CSMD1: variants seen among roughly 807,000 people sequenced by gnomAD.
The protein encoded by CSMD1 is CUB and sushi domain-containing protein 1.
Under a neutral mutation model 417.5 loss-of-function variants are expected in CSMD1, and 213 were observed. The ratio of observed to expected loss-of-function variants is 0.51; its 90% CI spans 0.46 to 0.57. The LOEUF is 0.57. CSMD1 is among the 20% of genes least tolerant of loss of function. The pLI, the probability that CSMD1 is intolerant of heterozygous loss-of-function variation, is 0.00. For synonymous variants in CSMD1, 2,862 were observed against 1,736.8 expected (o/e 1.65, Z -16.11); for missense variants, 6,923 against 4,529.7 (o/e 1.53, Z -15.17).
chr8:4,774,103 A>C (rs1211940555), intron 1 of CSMD1, among the ~76,000 whole-genome samples: 2 of 152,190 alleles, frequency 1.3e-5, no homozygotes, highest in Non-Finnish European at 2.9e-5. Flanking sequence ...AGGCTGAGGC[A>C]GGAGAGGGTT....
At chr8:3,810,739 G>T (rs1462899103) in intron 5 of CSMD1, among the ~76,000 whole-genome samples, 1 of 152,142 alleles carries the variant, frequency 6.6e-6, no homozygotes, top group South Asian at 2.1e-4. Flanking sequence ...AAAAGCCTTG[G>T]TTCAATTCCT....
rs145772487 is a variant in CSMD1 at position 4,298,347 on chromosome 8, C to T, written c.415+121606G>A. 1.1e-3 allele frequency among the ~76,000 whole-genome samples: 164 copies of T among 152,220 alleles called. 2 individuals carry two copies. The East Asian group carries it at 0.027, about 25-fold the overall frequency. On this transcript the variant is annotated intron_variant, in intron 3 of 69. Transcript: ENST00000635120. ...CCTTTCATTCAAAAACGCTCCATGACATCAGTTTACTGTAATAGTTTTTAT... is the reference window on the plus strand; with the variant it reads ...CCTTTCATTCAAAAACGCTCCATGATATCAGTTTACTGTAATAGTTTTTAT...
chr8:2,975,691 T>A (rs2128935558), intron 55 of CSMD1, among the ~76,000 whole-genome samples: 1 of 152,322 alleles, frequency 6.6e-6, no homozygotes. Flanking sequence ...AATTTATATC[T>A]TATTTAAATT....
chr8:4,833,806 C>G (rs1800293666), intron 1 of CSMD1, among the ~76,000 whole-genome samples: 1 of 152,168 alleles, frequency 6.6e-6, no homozygotes, highest in Admixed American at 6.5e-5. Flanking sequence ...GATCAGCTGA[C>G]TAAAAGGGAG....
intron 1 of CSMD1, among the ~76,000 whole-genome samples, chr8:4,810,745 G>C (rs1332592385): frequency 6.6e-6 from 1 of 152,122 alleles, no homozygotes; most frequent in Non-Finnish European, 1.5e-5. Flanking sequence ...CAATATATTT[G>C]CTCTGAAATA....
intron 3 of CSMD1, among the ~76,000 whole-genome samples, chr8:4,410,405 A>C (rs572468070): frequency 4.6e-5 from 7 of 152,168 alleles, no homozygotes; most frequent in Non-Finnish European, 1.0e-4. Context: ...TAAATATTTA[A>C]ATTAATTTTC....
chr8:4,313,469 G>GA (rs1213811826), intron 3 of CSMD1, among the ~76,000 whole-genome samples: 1 of 140,442 alleles, frequency 7.1e-6, no homozygotes, highest in African/African-American at 2.7e-5. Flanking sequence ...AGCAATGCAG[G>GA]AACCCGAAGA....
chr8:3,358,490 C>G (rs1176557541), intron 21 of CSMD1, among the ~76,000 whole-genome samples: 1 of 152,194 alleles, frequency 6.6e-6, no homozygotes, highest in Non-Finnish European at 1.5e-5. Context: ...CTTAGAGTGG[C>G]ACAGTTCCCA....
At chr8:4,644,598 G>T (rs1477746770) in intron 1 of CSMD1, among the ~76,000 whole-genome samples, 1 of 152,134 alleles carries the variant, frequency 6.6e-6, no homozygotes, top group African/African-American at 2.4e-5. Flanking sequence ...GTAGAGACAG[G>T]GTTGTTCACC....
At chr8:3,433,482 G>A (rs1343389166) in intron 12 of CSMD1, among the ~76,000 whole-genome samples, 1 of 152,068 alleles carries the variant, frequency 6.6e-6, no homozygotes, top group African/African-American at 2.4e-5. Flanking sequence ...GTGTGGTGTG[G>A]GCGGATTGCT....
In CSMD1 at chr8:3,695,599, G is replaced by C. The variant is rs575180913; in HGVS notation, c.1009+12815C>G. On this transcript the variant is annotated intron_variant, in intron 7 of 69. Coordinates refer to ENST00000635120, the MANE Select transcript of CSMD1 (RefSeq NM_033225.6). ...TATTTTGAAGGATGATAGTACTAGA[G>C]GAAAATGTTCACGTGTTTCACAAAA... Among the ~76,000 whole-genome samples, 23 of 152,168 alleles carry C rather than the reference G, an allele frequency of 1.5e-4. No homozygotes were observed. The South Asian group carries it at 2.3e-3, about 15-fold the overall frequency.
intron 26 of CSMD1, among the ~76,000 whole-genome samples, chr8:3,234,041 C>T (rs1799009228): frequency 6.6e-6 from 1 of 152,128 alleles, no homozygotes; most frequent in Admixed American, 6.5e-5. Context: ...GGTGTTCCAG[C>T]TATACATGAG....
Position 4,768,978 on chromosome 8 carries a change from T to G in CSMD1, c.86-131420A>C, listed in dbSNP as rs535034764. Among the ~76,000 whole-genome samples the G allele has an allele frequency of 1.5e-4, 23 of 152,288 alleles. No homozygotes were observed. In the South Asian group the frequency reaches 2.7e-3, roughly 18 times the overall value. ...TAAATAAATTAACTTGTGACTAAAC[T>G]GTTATTTCATGTGAAGAAGAGACCA... On this transcript the variant is annotated intron_variant, in intron 1 of 69. Transcript: ENST00000635120.
At chr8:4,676,759 A>T (rs961173549) in intron 1 of CSMD1, among the ~76,000 whole-genome samples, 18 of 151,904 alleles carry the variant, frequency 1.2e-4, no homozygotes, top group African/African-American at 4.1e-4. Context: ...GTTTGTTCTT[A>T]GCCCACCAAA....
chr8:3,610,450 A>G (rs1333128471), intron 8 of CSMD1, among the ~76,000 whole-genome samples: 1 of 152,188 alleles, frequency 6.6e-6, no homozygotes, highest in African/African-American at 2.4e-5. Flanking sequence ...TGGGACGATC[A>G]TTTGAGCCCT....
chr8:4,636,940 G>A (rs578164899), intron 2 of CSMD1, among the ~76,000 whole-genome samples: 1 of 152,034 alleles, frequency 6.6e-6, no homozygotes, highest in Non-Finnish European at 1.5e-5. Flanking sequence ...GCACCAATCA[G>A]CGCTCTATAA....
chr8:4,530,673 A>G (rs1015684189), intron 2 of CSMD1, among the ~76,000 whole-genome samples: 3 of 149,984 alleles, frequency 2.0e-5, no homozygotes, highest in African/African-American at 7.4e-5. Context: ...AAGGGCATGA[A>G]CTCATTCTTT....
At chr8:3,913,840 C>T (rs1808621868) in intron 5 of CSMD1, among the ~76,000 whole-genome samples, 1 of 152,138 alleles carries the variant, frequency 6.6e-6, no homozygotes, top group Non-Finnish European at 1.5e-5. Flanking sequence ...ACGGTCTAAT[C>T]ACCTTGACTT....
intron 12 of CSMD1, among the ~76,000 whole-genome samples, chr8:3,464,337 G>C (rs1208555753): frequency 6.6e-6 from 1 of 152,130 alleles, no homozygotes; most frequent in East Asian, 1.9e-4. Context: ...GATCAAGTTT[G>C]CTTCTTGTTA....
Sources: gnomAD v4.1 joint callset for allele counts (sites outside exome capture counted in the v4.1 genomes callset) on GRCh38, gnomAD v4.1.1 for gene constraint, MANE v1.5 for transcripts, NCBI Gene and HGNC (gene_info 2026-07-23, HGNC 2026-07-21) for gene names.